The following PRSS23 variants were observed in gnomAD, a reference collection of about 807,000 sequenced individuals.
PRSS23 encodes the protein serine protease 23, also known as protease, serine 23.
In PRSS23, 25 loss-of-function variants were observed where a neutral mutation model predicts 34.7. The observed-to-expected ratio is 0.72, with a 90% CI of 0.53 to 1.01. The LOEUF (loss-of-function observed/expected upper bound fraction) is 1.01, where lower values mean the gene tolerates loss of function less well. Among genes scored for constraint, PRSS23 ranks in the 50% least tolerant of loss-of-function variants. The pLI is 0.00. For missense variants in PRSS23, 445 were observed against 475.6 expected (o/e 0.94, Z 0.60); for synonymous variants, 176 against 186.6 (o/e 0.94, Z 0.46).
chr11:86,814,799 A>G (rs1436934963), downstream of PRSS23, among the ~76,000 whole-genome samples: 1 of 152,186 alleles, frequency 6.6e-6, no homozygotes, highest in Non-Finnish European at 1.5e-5. Flanking sequence ...CCAGGCATCA[A>G]TGGGGTGGTG....
At position 86,952,571 on chromosome 11, in the gene PRSS23, G is replaced by C; in HGVS notation, c.*1286G>C. On this transcript the variant is annotated 3_prime_UTR_variant, in exon 3 of 3. Coordinates refer to the PRSS23 transcript ENST00000533902. ...GAGTTGAATGCTTCCAGGCAATCTA[G>C]GTATCTACTTTTAAACCAACCTATC... 1.5e-6 allele frequency: 2 copies of C among 1,341,562 alleles called. 1 individual carries two copies. Among genetic ancestry groups the C allele is most frequent in the South Asian group, 2.4e-5 (2 of 84,344 alleles). 83.1% of individuals were successfully genotyped at this position (1,341,562 alleles called of 1,614,324 possible). A position where few individuals can be genotyped will look rare whatever the true frequency, so the allele number is the denominator to read the frequency against.
intron 2 of PRSS23, among the ~76,000 whole-genome samples, chr11:86,914,532 G>T (rs577055600): frequency 2.0e-5 from 3 of 152,078 alleles, no homozygotes; most frequent in African/African-American, 7.2e-5. Context: ...TTTCATAATC[G>T]TGTATCACAC....
At chr11:86,797,908 G>A (rs1386186611), upstream of PRSS23, among the ~76,000 whole-genome samples, 1 of 152,208 alleles carries the variant, frequency 6.6e-6, no homozygotes, top group East Asian at 1.9e-4. Flanking sequence ...CAACTAGTAA[G>A]CGTCAGACCT....
intron 2 of PRSS23, among the ~76,000 whole-genome samples, chr11:86,844,188 C>T (rs1197913721): frequency 6.6e-6 from 1 of 152,208 alleles, no homozygotes; most frequent in South Asian, 2.1e-4. Flanking sequence ...ACCACAAGTT[C>T]TCACTCAGGT....
At position 86,808,906 on chromosome 11, in the gene PRSS23, G is replaced by GT; in HGVS notation, c.*112dup. ...CACGTGTGTGTGTGTGTGTGTGTGTGTGTAAGGTGTCTTATAATCTTTTAC... is the reference window on the plus strand; with the variant it reads ...CACGTGTGTGTGTGTGTGTGTGTGTGTTGTAAGGTGTCTTATAATCTTTTAC... On this transcript the variant is annotated 3_prime_UTR_variant, in exon 2 of 2. Transcript: ENST00000280258. 9 of 843,020 alleles carry GT rather than the reference G, an allele frequency of 1.1e-5. No individual in the cohort carries two copies. In the South Asian group the frequency reaches 1.7e-4, roughly 16 times the overall value. 52.2% of individuals were successfully genotyped at this position (843,020 alleles called of 1,614,324 possible).
At chr11:86,816,673 A>G (rs1004239646) in intron 1 of PRSS23, among the ~76,000 whole-genome samples, 1 of 152,172 alleles carries the variant, frequency 6.6e-6, no homozygotes, top group Admixed American at 6.6e-5. Flanking sequence ...CTGTTTTTTT[A>G]AAGTGACAGG....
intron 2 of PRSS23, among the ~76,000 whole-genome samples, chr11:86,898,873 TGG>T (rs1948893128): frequency 2.0e-5 from 3 of 152,206 alleles, no homozygotes; most frequent in African/African-American, 7.2e-5. Context: ...CTGGTAGTCA[TGG>T]GCACTCATCT....
intron 2 of PRSS23, chr11:86,836,927 T>G (rs2011913): frequency 0.091 from 13,817 of 152,402 alleles, 841 homozygotes; most frequent in Non-Finnish European, 0.13. Context: ...CAAGTAATGT[T>G]TTCAGATTTC....
chr11:86,920,005 T>C (rs1050467763), intron 2 of PRSS23, among the ~76,000 whole-genome samples: 1 of 152,210 alleles, frequency 6.6e-6, no homozygotes, highest in Non-Finnish European at 1.5e-5. Flanking sequence ...ACAAGTAGAC[T>C]GCAGACGCCA....
chr11:86,944,315 T>C (rs1352916740), intron 2 of PRSS23, among the ~76,000 whole-genome samples: 3 of 151,850 alleles, frequency 2.0e-5, no homozygotes, highest in Non-Finnish European at 2.9e-5. Flanking sequence ...CTAGTAAGTA[T>C]GAACTCATTT....
chr11:86,796,640 C>CAAAAAAA (rs10543755), upstream of PRSS23, among the ~76,000 whole-genome samples: 1 of 80,324 alleles, frequency 1.2e-5, no homozygotes, highest in Admixed American at 1.4e-4. Flanking sequence ...GACTCCGTCT[C>CAAAAAAA]AAAAAAAAAA....
intron 2 of PRSS23, among the ~76,000 whole-genome samples, chr11:86,849,022 C>A (rs1275202001): frequency 2.0e-5 from 3 of 152,164 alleles, no homozygotes; most frequent in African/African-American, 7.2e-5. Context: ...ATGAAGGCCC[C>A]CTGGGCCAGA....
chr11:86,882,367 C>G (rs1390968587), intron 2 of PRSS23, among the ~76,000 whole-genome samples: 1 of 152,190 alleles, frequency 6.6e-6, no homozygotes, highest in Non-Finnish European at 1.5e-5. Flanking sequence ...CCACTCTCCA[C>G]CTTCTGACAG....
At chr11:86,889,470 T>C (rs1948826805) in intron 2 of PRSS23, among the ~76,000 whole-genome samples, 1 of 152,226 alleles carries the variant, frequency 6.6e-6, no homozygotes, top group Non-Finnish European at 1.5e-5. Context: ...AAAATGGTGC[T>C]GTGTTGCTGC....
intron 2 of PRSS23, among the ~76,000 whole-genome samples, chr11:86,939,882 GA>G (rs937932978): frequency 9.9e-5 from 15 of 151,888 alleles, no homozygotes; most frequent in South Asian, 4.2e-4. Flanking sequence ...AAGAGGATTA[GA>G]AAAAAATGTG....
intron 2 of PRSS23, among the ~76,000 whole-genome samples, chr11:86,829,444 C>T (rs1205717761): frequency 1.3e-5 from 2 of 152,112 alleles, no homozygotes; most frequent in Non-Finnish European, 2.9e-5. Context: ...TTTGAATTTC[C>T]TCCTGTAGCT....
chr11:86,853,119 A>G (rs12798785), intron 2 of PRSS23, among the ~76,000 whole-genome samples: 54,447 of 149,454 alleles, frequency 0.36, 9,927 homozygotes, highest in East Asian at 0.47. Flanking sequence ...CTCCCAAAGT[A>G]CTGGGGTTAC....
intron 2 of PRSS23, among the ~76,000 whole-genome samples, chr11:86,847,077 G>A (rs547755392): frequency 1.3e-5 from 2 of 152,192 alleles, no homozygotes; most frequent in South Asian, 2.1e-4. Context: ...AATGTAGTCA[G>A]TTGGGACACA....
At chr11:86,817,279 A>G (rs1237433662) in intron 1 of PRSS23, among the ~76,000 whole-genome samples, 1 of 152,102 alleles carries the variant, frequency 6.6e-6, no homozygotes, top group African/African-American at 2.4e-5. Context: ...CCTTTTAGAT[A>G]CTGTTTTAAA....
Sources: allele counts gnomAD v4.1 joint callset (sites outside exome capture counted in the v4.1 genomes callset), GRCh38; gene constraint gnomAD v4.1.1; transcripts MANE v1.5; gene names NCBI Gene and HGNC (gene_info 2026-07-23, HGNC 2026-07-21).